The following ARFGEF2 variants were observed in gnomAD, a reference collection of about 807,000 sequenced individuals.
The protein encoded by ARFGEF2 is brefeldin A-inhibited guanine nucleotide-exchange protein 2.
Under a neutral mutation model 219.9 loss-of-function variants are expected in ARFGEF2, and 74 were observed. The ratio of observed to expected loss-of-function variants is 0.34; its 90% CI spans 0.28 to 0.41. The LOEUF (loss-of-function observed/expected upper bound fraction) is 0.41. Among genes scored for constraint, ARFGEF2 ranks in the 10% least tolerant of loss-of-function variants. ARFGEF2 has a pLI of 1.00. For synonymous variants in ARFGEF2, 733 were observed against 799.2 expected (o/e 0.92, Z 1.40); for missense variants, 1,743 against 2,218.3 (o/e 0.79, Z 4.30).
intron 14 of ARFGEF2, among the ~76,000 whole-genome samples, chr20:48,983,742 G>A (rs1238399670): frequency 6.6e-6 from 1 of 152,108 alleles, no homozygotes; most frequent in South Asian, 2.1e-4. Flanking sequence ...ACTCAAAGAG[G>A]CCTTCAGCAA....
chr20:48,953,329 C>T (rs961649394), intron 5 of ARFGEF2, among the ~76,000 whole-genome samples: 1 of 151,916 alleles, frequency 6.6e-6, no homozygotes, highest in African/African-American at 2.4e-5. Context: ...GCATGTGCCA[C>T]CACACCCAGC....
chr20:48,964,500 CAGGTTTT>C (rs530057119), intron 7 of ARFGEF2, among the ~76,000 whole-genome samples: 63 of 152,274 alleles, frequency 4.1e-4, no homozygotes, highest in African/African-American at 1.1e-3. Flanking sequence ...AGGGGATGTC[CAGGTTTT>C]TCTAGGAGTG....
chr20:48,929,274 A>T (rs1209316308), intron 1 of ARFGEF2, among the ~76,000 whole-genome samples: 8 of 152,220 alleles, frequency 5.3e-5, no homozygotes, highest in Admixed American at 5.2e-4. Context: ...ATTAGGTTTT[A>T]TACCTTTGTG....
intron 3 of ARFGEF2, among the ~76,000 whole-genome samples, chr20:48,943,927 G>A (rs1434925399): frequency 6.6e-6 from 1 of 152,224 alleles, no homozygotes; most frequent in Non-Finnish European, 1.5e-5. Context: ...TCGAGAAAGA[G>A]TACTGTGATT....
chr20:49,030,483 G>T (rs1600563543), intron 37 of ARFGEF2, among the ~76,000 whole-genome samples: 1 of 150,108 alleles, frequency 6.7e-6, no homozygotes, highest in Non-Finnish European at 1.5e-5. Flanking sequence ...AAAAAAAACT[G>T]GAAGGAAATA....
At chr20:48,927,940 T>G (rs2090888476) in intron 1 of ARFGEF2, among the ~76,000 whole-genome samples, 1 of 152,116 alleles carries the variant, frequency 6.6e-6, no homozygotes, top group Non-Finnish European at 1.5e-5. Flanking sequence ...AAAACTGGAT[T>G]GTTCTTGATT....
chr20:48,977,885 T>G (rs1487614378), intron 14 of ARFGEF2, among the ~76,000 whole-genome samples: 2 of 152,220 alleles, frequency 1.3e-5, no homozygotes, highest in African/African-American at 2.4e-5. Context: ...TAGCCCTTTG[T>G]CAGATGGGTA....
At chr20:48,924,237 CG>C (rs1363147655) in intron 1 of ARFGEF2, among the ~76,000 whole-genome samples, 1 of 152,106 alleles carries the variant, frequency 6.6e-6, no homozygotes, top group Non-Finnish European at 1.5e-5. Flanking sequence ...GGGCCAGGTG[CG>C]GTGGCTCACG....
In ARFGEF2 at chr20:48,921,868, C is replaced by A; in HGVS notation, c.-22C>A. On this transcript the variant is annotated 5_prime_UTR_variant, in exon 1 of 39. Transcript: ENST00000371917. ...TCACGCCGCCCGCCCGCGGGGCCGT[C>A]AGCCCCCGCCGGGCCGGGGCCATGC... The A allele has an allele frequency of 1.3e-6, 2 of 1,515,008 alleles. No individual in the cohort carries two copies. The highest frequency in any genetic ancestry group is 1.8e-6 in the Non-Finnish European group (2 of 1,129,398). The allele number at this position is 1,515,008 out of a possible 1,614,324, so 93.8% of individuals were successfully genotyped here.
intron 38 of ARFGEF2, among the ~76,000 whole-genome samples, chr20:49,032,481 A>G (rs988082112): frequency 6.6e-6 from 1 of 152,232 alleles, no homozygotes; most frequent in Non-Finnish European, 1.5e-5. Context: ...GTTTTGACCT[A>G]GGAACCTGCT....
In ARFGEF2 at chr20:49,033,147, G is replaced by A. The variant is rs1381459206; in HGVS notation, c.5306G>A (p.Trp1769Ter). Residue 1769 changes from tryptophan (W) to a stop codon, truncating the protein, a stop_gained, in exon 39 of 39, where the codon TGG becomes TAG. Transcript: ENST00000371917. LOFTEE classifies it high-confidence loss of function. ...CGGATAGGTGTTGTGTATAAGATAT[G>A]GATACCAGAAGAGCCATCACAGGTA... ...FLRIGVVYKI[W>*]IPEEPSQVPA... 6.2e-7 allele frequency: 1 copy of A among 1,614,114 alleles called. No homozygotes were observed. The highest frequency in any genetic ancestry group is 8.5e-7 in the Non-Finnish European group (1 of 1,180,038).
intron 3 of ARFGEF2, among the ~76,000 whole-genome samples, chr20:48,949,574 A>C (rs1382196849): frequency 6.6e-6 from 1 of 152,094 alleles, no homozygotes; most frequent in African/African-American, 2.4e-5. Flanking sequence ...CTGCTCCTTC[A>C]GTTACTCCAT....
intron 6 of ARFGEF2, among the ~76,000 whole-genome samples, chr20:48,959,200 T>C (rs1457768087): frequency 6.6e-6 from 1 of 152,042 alleles, no homozygotes; most frequent in Non-Finnish European, 1.5e-5. Flanking sequence ...ATAAAATGAG[T>C]TGATATTTCT....
At chr20:49,025,623 A>G in intron 36 of ARFGEF2, 142 bp downstream of exon 36, 5 of 941,176 alleles carry the variant, frequency 5.3e-6, no homozygotes, top group Non-Finnish European at 6.6e-6. Context: ...AGAGAAGGGA[A>G]ATGTTGGATA....
At chr20:49,032,746 TA>T (rs2091644112) in intron 38 of ARFGEF2, among the ~76,000 whole-genome samples, 2 of 151,888 alleles carry the variant, frequency 1.3e-5, no homozygotes, top group Non-Finnish European at 1.5e-5. Flanking sequence ...CACGCGCCAC[TA>T]TGCCCAGCTA....
Position 48,963,574 on chromosome 20 carries a change from A to C in ARFGEF2, c.839-256A>C, listed in dbSNP as rs73113998. The stretch of plus-strand genomic sequence containing the variant: ...CTGGGCCGAGCCACTGGGACTTAGG[A>C]AGGAAGAGAGTAGTATAAGCCAGTG... On this transcript the variant is annotated intron_variant, in intron 6 of 38. Transcript: ENST00000371917. 5.8e-3 allele frequency among the ~76,000 whole-genome samples: 887 copies of C among 152,208 alleles called. 4 individuals carry two copies. Among genetic ancestry groups the C allele is most frequent in the Middle Eastern group, 0.01 (3 of 294 alleles).
At position 48,950,069 on chromosome 20, in the gene ARFGEF2, C is replaced by T. The variant is rs371592139; in HGVS notation, c.277-1254C>T. On this transcript the variant is annotated intron_variant, in intron 3 of 38. Coordinates refer to ENST00000371917, the MANE Select transcript of ARFGEF2 (RefSeq NM_006420.3). The stretch of plus-strand genomic sequence containing the variant: ...CCCTCAGGTGATTATGTTTCTCAGC[C>T]AGGCTTAGAAATCATCCTGCTGCTG... 9.9e-5 allele frequency among the ~76,000 whole-genome samples: 15 copies of T among 152,222 alleles called. 1 individual carries two copies. Among genetic ancestry groups the T allele is most frequent in the South Asian group, 8.3e-4 (4 of 4,826 alleles).
chr20:48,974,378 C>T (rs1473727650), intron 12 of ARFGEF2, among the ~76,000 whole-genome samples: 1 of 152,082 alleles, frequency 6.6e-6, no homozygotes, highest in Non-Finnish European at 1.5e-5. Flanking sequence ...TCCCAGAGTG[C>T]TGGGATTACA....
chr20:49,033,110 A>C lies in ARFGEF2; in HGVS notation c.5269A>C (p.Lys1757Gln). The C allele has an allele frequency of 6.2e-7, 1 of 1,613,954 alleles. No homozygotes were observed. The highest frequency in any genetic ancestry group is 8.5e-7 in the Non-Finnish European group (1 of 1,180,028). The change falls in exon 39 of 39, where the codon AAG becomes CAG. Residue 1757 changes from lysine to glutamine, a missense_variant. By Grantham distance (53) the Lys-to-Gln change is moderately conservative. This residue lies in a region of ARFGEF2 where 578 missense variants were observed against 664.0 expected (regional missense o/e 0.87). Coordinates refer to ENST00000371917, the MANE Select transcript of ARFGEF2 (RefSeq NM_006420.3). Reference protein sequence around the residue: ...LIPELRAVLRKFFLRIGVVYK... With the variant: ...LIPELRAVLRQFFLRIGVVYK... ...CCCTGAGCTCCGAGCAGTTCTGCGG[A>C]AGTTCTTCCTACGGATAGGTGTTGT...
Sources: gnomAD v4.1 joint callset for allele counts (sites outside exome capture counted in the v4.1 genomes callset) on GRCh38, gnomAD v4.1.1 for gene constraint, gnomAD v4.1.1 regional missense constraint, MANE v1.5 for transcripts, NCBI Gene and HGNC (gene_info 2026-07-23, HGNC 2026-07-21) for gene names.